GPR160: variants seen among roughly 807,000 people sequenced by gnomAD.
GPR160 encodes the protein G protein-coupled receptor 160.
In GPR160, 2 loss-of-function variants were observed where a neutral mutation model predicts 2.6. That is an observed-to-expected ratio of 0.77 (90% CI 0.32 to 2.44). The LOEUF (loss-of-function observed/expected upper bound fraction) is 2.44. GPR160 is among the 30% of genes most tolerant of loss of function. GPR160 has a pLI of 0.11. For synonymous variants in GPR160, 130 were observed against 132.2 expected (o/e 0.98, Z 0.12); for missense variants, 351 against 383.6 (o/e 0.91, Z 0.71).
intron 2 of GPR160, among the ~76,000 whole-genome samples, chr3:170,049,660 A>G (rs1490027412): frequency 1.3e-5 from 2 of 151,848 alleles, no homozygotes; most frequent in Non-Finnish European, 2.9e-5. Context: ...GTGTAGAGCC[A>G]ACTCTGAGGG....
Position 170,062,566 on chromosome 3 carries a change from AC to A in GPR160, c.-192-17204del. 32 of 796,828 alleles carry A rather than the reference AC, an allele frequency of 4.0e-5. No individual in the cohort carries two copies. In the South Asian group the frequency reaches 4.6e-4, roughly 11 times the overall value. The allele number at this position is 796,828 out of a possible 1,614,324, so 49.4% of individuals were successfully genotyped here. On this transcript the variant is annotated intron_variant, in intron 2 of 3. Transcript: ENST00000355897. The stretch of plus-strand genomic sequence containing the variant: ...AGAAGATCAAAGACGCCAGGAGAGG[AC>A]CCCTCGCACCTTTTCCAAACCAAAA...
intron 2 of GPR160, among the ~76,000 whole-genome samples, chr3:170,045,443 A>T (rs9816223): frequency 1.5e-5 from 2 of 131,386 alleles, no homozygotes; most frequent in African/African-American, 6.9e-5. Flanking sequence ...AAAAAAAAAA[A>T]AAAACCAATT....
At chr3:170,051,994 C>T (rs1018675738) in intron 2 of GPR160, among the ~76,000 whole-genome samples, 1 of 152,234 alleles carries the variant, frequency 6.6e-6, no homozygotes, top group African/African-American at 2.4e-5. Flanking sequence ...GGCGCATTCT[C>T]GGCTCACTGC....
chr3:170,047,493 ATT>A (rs1325349632), intron 2 of GPR160, among the ~76,000 whole-genome samples: 2 of 152,194 alleles, frequency 1.3e-5, no homozygotes, highest in Non-Finnish European at 2.9e-5. Context: ...AATTTAAAAA[ATT>A]TTAACATTTT....
chr3:170,062,686 G>T, intron 2 of GPR160: 1 of 1,434,444 alleles, frequency 7.0e-7, no homozygotes, highest in Admixed American at 1.8e-5. Context: ...AGCCCATCAA[G>T]GGCAAACAGG....
Position 170,085,049 on chromosome 3 carries a change from C to A in GPR160, c.*60C>A. The stretch of plus-strand genomic sequence containing the variant: ...CATAATTTTATGAACAGAAAGAACT[C>A]AGGACATATTAAAAAATAAACTGAA... On this transcript the variant is annotated 3_prime_UTR_variant, in exon 4 of 4. Coordinates refer to ENST00000355897, the MANE Select transcript of GPR160 (RefSeq NM_014373.3). The A allele has an allele frequency of 1.1e-6, 1 of 892,336 alleles. No homozygotes were observed. Among genetic ancestry groups the A allele is most frequent in the Non-Finnish European group, 1.6e-6 (1 of 620,126 alleles). 55.3% of individuals were successfully genotyped at this position (892,336 alleles called of 1,614,324 possible).
intron 2 of GPR160, among the ~76,000 whole-genome samples, chr3:170,058,595 C>T (rs1711768286): frequency 6.6e-6 from 1 of 152,226 alleles, no homozygotes; most frequent in South Asian, 2.1e-4. Context: ...GTTAAACCGT[C>T]ATTCAAAAAT....
chr3:170,066,330 C>CG (rs1266240156), intron 2 of GPR160, among the ~76,000 whole-genome samples: 13 of 151,424 alleles, frequency 8.6e-5, no homozygotes, highest in African/African-American at 1.7e-4. Flanking sequence ...TTAGTAGAGA[C>CG]GGGTTTCACC....
intron 2 of GPR160, among the ~76,000 whole-genome samples, chr3:170,056,197 G>A (rs1711635632): frequency 6.6e-6 from 1 of 152,112 alleles, no homozygotes; most frequent in African/African-American, 2.4e-5. Context: ...CCAAAATGAT[G>A]ACGAGGTGAA....
rs1713272608 is a variant in GPR160 at position 170,084,009 on chromosome 3, T to C, written c.37T>C (p.Tyr13His). Residue 13 changes from tyrosine to histidine, a missense_variant, in exon 4 of 4, where the codon TAC becomes CAC. Coordinates refer to ENST00000355897, the MANE Select transcript of GPR160 (RefSeq NM_014373.3). ...CTCTTCAGAGAACTGCTCTTTTCAG[T>C]ACCAGTTACGTCAAACAAACCAGCC... Reference protein sequence around the residue: ...ALSSENCSFQYQLRQTNQPLD... With the variant: ...ALSSENCSFQHQLRQTNQPLD... The C allele has an allele frequency of 1.9e-6, 3 of 1,547,018 alleles. No individual in the cohort carries two copies. The highest frequency in any genetic ancestry group is 1.4e-5 in the African/African-American group (1 of 72,004).
intron 2 of GPR160, among the ~76,000 whole-genome samples, chr3:170,059,483 A>G (rs1415431275): frequency 6.6e-6 from 1 of 152,346 alleles, no homozygotes; most frequent in East Asian, 1.9e-4. Flanking sequence ...TAACTCTGAA[A>G]CTGCTTAATA....
intron 2 of GPR160, chr3:170,077,046 T>C (rs1455844485): frequency 6.6e-6 from 1 of 152,192 alleles, no homozygotes; most frequent in Non-Finnish European, 1.5e-5. Flanking sequence ...GGAAAAATTA[T>C]ATATACCTTT....
rs1352960780 is a variant in GPR160, at chr3:170,068,648, T to C, written c.-192-11126T>C. On this transcript the variant is annotated intron_variant, in intron 2 of 3. Coordinates refer to ENST00000355897, the MANE Select transcript of GPR160 (RefSeq NM_014373.3). ...TTACCTTACTACTTCTGCCATCATA[T>C]TTTATTTTCCAAGAGGTCTTTTTTG... Among the ~76,000 whole-genome samples, 12 of 152,230 alleles carry C rather than the reference T, an allele frequency of 7.9e-5. 1 individual carries two copies. The East Asian group carries it at 2.3e-3, about 29-fold the overall frequency.
chr3:170,079,189 A>C (rs1461661649), intron 2 of GPR160, among the ~76,000 whole-genome samples: 2 of 152,194 alleles, frequency 1.3e-5, no homozygotes, highest in African/African-American at 4.8e-5. Flanking sequence ...TTCTTCGGCC[A>C]CTAGTGCTGG....
intron 3 of GPR160, among the ~76,000 whole-genome samples, chr3:170,080,207 G>C (rs1713054275): frequency 6.6e-6 from 1 of 152,110 alleles, no homozygotes; most frequent in Non-Finnish European, 1.5e-5. Flanking sequence ...TTTCTGTCTT[G>C]TTCAGGGAGT....
chr3:170,060,292 C>T (rs1576899222), intron 2 of GPR160, among the ~76,000 whole-genome samples: 1 of 152,122 alleles, frequency 6.6e-6, no homozygotes, highest in Non-Finnish European at 1.5e-5. Context: ...ACTGCCAGCT[C>T]ATGAAAGCAG....
chr3:170,055,800 A>C (rs1175871416), intron 2 of GPR160, among the ~76,000 whole-genome samples: 2 of 152,024 alleles, frequency 1.3e-5, no homozygotes, highest in African/African-American at 4.8e-5. Context: ...ACGCCTGTCT[A>C]ATTTTTTGTA....
At position 170,084,887 on chromosome 3, in the gene GPR160, A is replaced by G; in HGVS notation, c.915A>G (p.Gly305=). ...NCHKLNLKDI[G]LPLDPFVNWK... is the part of the protein sequence containing the mutation. ...ACAAGCTTAATTTAAAAGACATTGG[A>G]TTACCTTTGGATCCATTTGTCAACT... The change falls in exon 4 of 4, where the codon GGA becomes GGG. Residue 305 remains glycine (G), a synonymous_variant. Transcript: ENST00000355897. The G allele has an allele frequency of 1.2e-6, 2 of 1,606,986 alleles. No homozygotes were observed. The highest frequency in any genetic ancestry group is 1.7e-6 in the Non-Finnish European group (2 of 1,173,902).
chr3:170,085,102 T>G lies in GPR160; in HGVS notation c.*113T>G. ...AAAACAACTTTTGCCCCCTGACTGA[T>G]AGCATTTCAGAATGTGTCTTTTGAA... On this transcript the variant is annotated 3_prime_UTR_variant, in exon 4 of 4. Coordinates refer to ENST00000355897, the MANE Select transcript of GPR160 (RefSeq NM_014373.3). 2.0e-6 allele frequency: 1 copy of G among 499,164 alleles called. No individual in the cohort carries two copies. The highest frequency in any genetic ancestry group is 4.7e-5 in the South Asian group (1 of 21,432). The allele number at this position is 499,164 out of a possible 1,614,324, so 30.9% of individuals were successfully genotyped here.
Sources: allele counts gnomAD v4.1 joint callset (sites outside exome capture counted in the v4.1 genomes callset), GRCh38; gene constraint gnomAD v4.1.1; transcripts MANE v1.5; gene names NCBI Gene and HGNC (gene_info 2026-07-23, HGNC 2026-07-21).